Variants in PNPO observed in about 807,000 individuals in gnomAD.
The protein encoded by PNPO is pyridoxamine 5'-phosphate oxidase.
A neutral mutation model predicts 35.0 loss-of-function variants in PNPO; 39 were observed. That is an observed-to-expected ratio of 1.11 (90% confidence interval 0.86 to 1.45). The LOEUF (loss-of-function observed/expected upper bound fraction) is 1.45. Among genes scored for constraint, PNPO ranks in the 40% most tolerant of loss-of-function variants. PNPO has a pLI of 0.00. For synonymous variants in PNPO, 115 were observed against 119.8 expected, an observed-to-expected ratio of 0.96 and a Z score of 0.26; for missense variants, 288 against 340.0, an observed-to-expected ratio of 0.85 and a Z score of 1.20.
Position 47,947,151 on chromosome 17 carries a change from T to G in PNPO, c.*369T>G. The G allele has an allele frequency of 3.7e-6, 1 of 270,258 alleles. No individual in the cohort carries two copies. Among genetic ancestry groups the G allele is most frequent in the South Asian group, 4.3e-5 (1 of 22,996 alleles). The allele number at this position is 270,258 out of a possible 1,614,324, so 16.7% of individuals were successfully genotyped here. On this transcript the variant is annotated 3_prime_UTR_variant, in exon 7 of 7. Transcript: ENST00000642017. ...CCATGTGAGTCATACTGGCCAAAGC[T>G]TAGTCCTAGCATATGCACCTGAGCC...
rs765314515 is a variant in PNPO at position 47,941,766 on chromosome 17, G to C, written c.91G>C (p.Ala31Pro). 1.3e-6 allele frequency: 2 copies of C among 1,565,596 alleles called. No homozygotes were observed. Among genetic ancestry groups the C allele is most frequent in the Admixed American group, 3.8e-5 (2 of 53,274 alleles). Residue 31 changes from alanine (A) to proline (P), a missense_variant, in exon 1 of 7, where the codon GCC becomes CCC. By Grantham distance (27) the Ala-to-Pro change is conservative. Coordinates refer to ENST00000642017, the MANE Select transcript of PNPO (RefSeq NM_018129.4). Reference sequence around the variant, plus strand: ...CAGTCACCTGTGTGGTCGCAGTGCTGCCATGGACCTGGGACCCATGCGCAA... The same window carrying C: ...CAGTCACCTGTGTGGTCGCAGTGCTCCCATGGACCTGGGACCCATGCGCAA... Reference protein sequence around the residue: ...YLSHLCGRSAAMDLGPMRKSY... With the variant: ...YLSHLCGRSAPMDLGPMRKSY...
chr17:47,944,512 G>A, intron 2 of PNPO, 104 bp from the exon 3 acceptor site: 1 of 896,462 alleles, frequency 1.1e-6, no homozygotes, highest in Non-Finnish European at 1.9e-6. Context: ...GCCCAATAAA[G>A]GGGGTGCAGC....
At chr17:47,943,167 T>C in intron 1 of PNPO, 139 bp from the exon 2 acceptor site, 1 of 656,842 alleles carries the variant, frequency 1.5e-6, no homozygotes, top group Non-Finnish European at 2.7e-6. Context: ...CAGAATCTTC[T>C]TACTGCATAC....
rs112929979 is a variant in PNPO at position 47,945,715 on chromosome 17, C to G, written c.417+103C>G. 1.4e-6 allele frequency: 2 copies of G among 1,436,818 alleles called. No individual in the cohort carries two copies. The highest frequency in any genetic ancestry group is 2.8e-5 in the African/African-American group (2 of 71,652). 89.0% of individuals were successfully genotyped at this position (1,436,818 alleles called of 1,614,324 possible). On this transcript the variant is annotated intron_variant, in intron 4 of 6. Coordinates refer to ENST00000642017, the MANE Select transcript of PNPO (RefSeq NM_018129.4). The surrounding 1 kb of genome is among the most constrained non-coding windows in gnomAD (Gnocchi z 4.0). ...TCCCCAGACTGGGCAAACATCCCAG[C>G]TGGGCACTCTGCCTCTAAAATAGCC... is the stretch of plus-strand genomic sequence containing the variant.
intron 2 of PNPO, 147 bp from the exon 3 acceptor site, chr17:47,944,469 C>T (rs1304433372): frequency 1.3e-6 from 1 of 764,112 alleles, no homozygotes; most frequent in African/African-American, 1.7e-5. Flanking sequence ...TAGGACAAAT[C>T]CCCAGGAGCA....
At position 47,941,883 on chromosome 17, in the gene PNPO, G is replaced by A. The variant is rs780998558; in HGVS notation, c.138+70G>A. ...GGGTCCCCGGAGTCATCTACAGCGG[G>A]GAGGGGAGTAGTAGGAGCCCCTCGG... is the stretch of plus-strand genomic sequence containing the variant. On this transcript the variant is annotated intron_variant, in intron 1 of 6. Coordinates refer to ENST00000642017, the MANE Select transcript of PNPO (RefSeq NM_018129.4). 7 of 1,491,420 alleles carry A rather than the reference G, an allele frequency of 4.7e-6. No homozygotes were observed. In the South Asian group the frequency reaches 8.7e-5, roughly 19 times the overall value. The allele number at this position is 1,491,420 out of a possible 1,614,324, so 92.4% of individuals were successfully genotyped here. A position where few individuals can be genotyped will look rare whatever the true frequency, so the allele number is the denominator to read the frequency against.
intron 2 of PNPO, 77 bp from the exon 3 acceptor site, chr17:47,944,539 A>G: frequency 8.9e-7 from 1 of 1,125,772 alleles, no homozygotes; most frequent in Non-Finnish European, 1.4e-6. Context: ...GGGTGCTGAG[A>G]CATCCTTTGG....
chr17:47,944,829 G>A, intron 3 of PNPO, 114 bp downstream of exon 3: 3 of 846,196 alleles, frequency 3.5e-6, no homozygotes, highest in Admixed American at 1.8e-5. Flanking sequence ...TCTGTGTGCA[G>A]GTGCCCTCCT....
intron 6 of PNPO, 32 bp from the exon 7 acceptor site, chr17:47,946,582 C>T: frequency 6.2e-7 from 1 of 1,611,366 alleles, no homozygotes; most frequent in South Asian, 1.1e-5. Flanking sequence ...GAAAACTCCA[C>T]AGAGCACTGA....
chr17:47,946,004 G>C lies in PNPO; in HGVS notation c.546+15G>C. 8 of 1,613,306 alleles carry C rather than the reference G, an allele frequency of 5.0e-6. No individual in the cohort carries two copies. Among genetic ancestry groups the C allele is most frequent in the Non-Finnish European group, 6.8e-6 (8 of 1,179,956 alleles). On this transcript the variant is annotated intron_variant, in intron 5 of 6. Coordinates refer to ENST00000642017, the MANE Select transcript of PNPO (RefSeq NM_018129.4). ...CTGATCGGGAGGTGAGTGGAGCTCCGCTGTAGTCCTCCAGGTGGTGGAGGC... is the reference window on the plus strand; with the variant it reads ...CTGATCGGGAGGTGAGTGGAGCTCCCCTGTAGTCCTCCAGGTGGTGGAGGC...
Position 47,945,077 on chromosome 17 carries a change from G to C in PNPO, c.363+362G>C, listed in dbSNP as rs1598198731. 2.5e-6 allele frequency: 1 copy of C among 394,248 alleles called. No homozygotes were observed. Among genetic ancestry groups the C allele is most frequent in the South Asian group, 2.2e-5 (1 of 46,246 alleles). 24.4% of individuals were successfully genotyped at this position (394,248 alleles called of 1,614,324 possible). A position where few individuals can be genotyped will look rare whatever the true frequency, so the allele number is the denominator to read the frequency against. On this transcript the variant is annotated intron_variant, in intron 3 of 6. Coordinates refer to ENST00000642017, the MANE Select transcript of PNPO (RefSeq NM_018129.4). The surrounding 1 kb of genome is among the most constrained non-coding windows in gnomAD (Gnocchi z 4.0). ...TCAGTTTGTAACTGAGCATTTGTTT[G>C]GGTGATTATGTAACTGATATTTGTC...
intron 1 of PNPO, among the ~76,000 whole-genome samples, chr17:47,942,875 G>A (rs541395851): frequency 2.3e-4 from 35 of 151,766 alleles, no homozygotes; most frequent in Non-Finnish European, 4.0e-4. Context: ...GCAGTAAGCC[G>A]AGATCACACC....
At chr17:47,946,074 G>A (rs2036004601) in intron 5 of PNPO, 85 bp downstream of exon 5, 4 of 1,501,298 alleles carry the variant, frequency 2.7e-6, no homozygotes, top group East Asian at 2.3e-5. Flanking sequence ...GCCAGGAGAT[G>A]TCCCCAGGAG....
At chr17:47,944,851 T>G in intron 3 of PNPO, 136 bp downstream of exon 3, 1 of 747,250 alleles carries the variant, frequency 1.3e-6, no homozygotes, top group Non-Finnish European at 2.4e-6. Context: ...CCATGAGGCC[T>G]TGGCACTTGC....
intron 1 of PNPO, 72 bp downstream of exon 1, chr17:47,941,885 A>AG (rs1456705179): frequency 2.7e-6 from 4 of 1,488,266 alleles, no homozygotes; most frequent in African/African-American, 1.4e-5. Context: ...TACAGCGGGG[A>AG]GGGGAGTAGT....
Position 47,945,545 on chromosome 17 carries a change from T to G in PNPO, c.364-14T>G. ...TGTCCTGATGGCTGGCTGTGGATTC[T>G]CTTTTACTTCTAGGACTCTAATCCC... is the stretch of plus-strand genomic sequence containing the variant. On this transcript the variant is annotated splice_polypyrimidine_tract_variant and intron_variant, in intron 3 of 6. Coordinates refer to ENST00000642017, the MANE Select transcript of PNPO (RefSeq NM_018129.4). This position sits in a 1 kb window ranked among gnomAD's most constrained non-coding sequence, Gnocchi z 4.0. 1 of 1,610,708 alleles carries G rather than the reference T, an allele frequency of 6.2e-7. No homozygotes were observed.
In PNPO at chr17:47,941,815, T is replaced by G; in HGVS notation, c.138+2T>G. ...AAGAGTTACCGCGGGGACCGAGAGG[T>G]GCCGCCGCTAGGGCCAGGCCTCCTG... On this transcript the variant is annotated splice_donor_variant, in intron 1 of 6. Transcript: ENST00000642017. LOFTEE classifies it high-confidence loss of function. The G allele has an allele frequency of 6.4e-7, 1 of 1,563,230 alleles. No individual in the cohort carries two copies. The highest frequency in any genetic ancestry group is 8.7e-7 in the Non-Finnish European group (1 of 1,153,052).
chr17:47,941,640 C>A lies in PNPO; in HGVS notation c.-36C>A. The A allele has an allele frequency of 1.3e-6, 2 of 1,509,542 alleles. No homozygotes were observed. Among genetic ancestry groups the A allele is most frequent in the African/African-American group, 1.4e-5 (1 of 72,350 alleles). The allele number at this position is 1,509,542 out of a possible 1,614,324, so 93.5% of individuals were successfully genotyped here. A position where few individuals can be genotyped will look rare whatever the true frequency, so the allele number is the denominator to read the frequency against. ...TTCCGAACTCAAAGGAACCCAGTGC[C>A]GGGCCACAGCCGGGTCACGTGGCCG... On this transcript the variant is annotated 5_prime_UTR_variant, in exon 1 of 7. Transcript: ENST00000642017.
Position 47,943,315 on chromosome 17 carries a change from G to A in PNPO, c.148G>A (p.Glu50Lys), listed in dbSNP as rs549477447. Reference protein sequence around the residue: ...SYRGDREAFEETHLTSLDPVK... With the variant: ...SYRGDREAFEKTHLTSLDPVK... ...AAATCTCCTTTCCTAGGCATTTGAG[G>A]AGACTCATCTGACCTCCCTTGACCC... The change falls in exon 2 of 7, where the codon GAG (glutamate) becomes AAG (lysine). Residue 50 changes from glutamate (E) to lysine (K), a missense_variant. Transcript: ENST00000642017. 4.5e-5 allele frequency: 72 copies of A among 1,613,516 alleles called. No individual in the cohort carries two copies. The South Asian group carries it at 5.5e-4, about 12-fold the overall frequency.
Sources: gnomAD v4.1 joint callset for allele counts (sites outside exome capture counted in the v4.1 genomes callset) on GRCh38, gnomAD v4.1.1 for gene constraint, Gnocchi (gnomAD v3.1) non-coding constraint, MANE v1.5 for transcripts, NCBI Gene and HGNC (gene_info 2026-07-23, HGNC 2026-07-21) for gene names.